ZSCAN4: variants seen among roughly 807,000 people sequenced by gnomAD.
ZSCAN4 encodes the protein zinc finger and SCAN domain-containing protein 4.
ZSCAN4 carries 18 observed loss-of-function variants against 18.3 expected under a neutral mutation model. That is an observed-to-expected ratio of 0.98 (90% CI 0.68 to 1.46). ZSCAN4 has a LOEUF of 1.46. Ranked by LOEUF, ZSCAN4 falls within the 40% of genes most tolerant of loss-of-function variation. ZSCAN4 has a pLI of 0.00. For synonymous variants in ZSCAN4, 193 were observed against 180.3 expected (o/e 1.07, Z -0.57); for missense variants, 498 against 511.4 (o/e 0.97, Z 0.25).
chr19:57,666,979 AG>A (rs1450544942), upstream of ZSCAN4, among the ~76,000 whole-genome samples: 1 of 152,116 alleles, frequency 6.6e-6, no homozygotes, highest in Non-Finnish European at 1.5e-5. Context: ...TTGGAAACAA[AG>A]GTTATTTTCC....
chr19:57,665,954 G>C (rs1399772501), upstream of ZSCAN4, among the ~76,000 whole-genome samples: 1 of 152,170 alleles, frequency 6.6e-6, no homozygotes, highest in East Asian at 1.9e-4. Context: ...CGAGGCCCAA[G>C]TAGGTTTACA....
the ZSCAN4 span, among the ~76,000 whole-genome samples, chr19:57,655,074 C>T: frequency 6.6e-6 from 1 of 152,318 alleles, no homozygotes; most frequent in Non-Finnish European, 1.5e-5. Flanking sequence ...AACCCAACCC[C>T]AGGTTACCTA....
At chr19:57,666,897 T>TTTATTATTATTA (rs138146671), upstream of ZSCAN4, among the ~76,000 whole-genome samples, 18 of 151,078 alleles carry the variant, frequency 1.2e-4, no homozygotes, top group African/African-American at 2.4e-4. Flanking sequence ...CTACCAGGTT[T>TTTATTATTATTA]TTATTATTAT....
At chr19:57,668,540 C>A (rs1983918492), upstream of ZSCAN4, among the ~76,000 whole-genome samples, 1 of 152,098 alleles carries the variant, frequency 6.6e-6, no homozygotes, top group South Asian at 2.1e-4. Context: ...GGCTGCATGC[C>A]TGATGGAGCA....
chr19:57,657,243 T>A, the ZSCAN4 span, among the ~76,000 whole-genome samples: 1 of 148,506 alleles, frequency 6.7e-6, no homozygotes, highest in Non-Finnish European at 1.5e-5. Context: ...GCAACAAGAG[T>A]GAAACTCCGT....
At chr19:57,672,689 A>T (rs956027767) in intron 2 of ZSCAN4, among the ~76,000 whole-genome samples, 12 of 148,530 alleles carry the variant, frequency 8.1e-5, no homozygotes, top group Admixed American at 6.8e-5. Flanking sequence ...TACAACCCCC[A>T]CCTCTCAGGT....
chr19:57,666,586 AAAAAG>A (rs1983856040), upstream of ZSCAN4, among the ~76,000 whole-genome samples: 1 of 151,502 alleles, frequency 6.6e-6, no homozygotes, highest in Non-Finnish European at 1.5e-5. Context: ...AAAAAAAAAA[AAAAAG>A]AAAAGAAAGT....
chr19:57,666,686 C>G (rs1293075901), upstream of ZSCAN4, among the ~76,000 whole-genome samples: 1 of 151,886 alleles, frequency 6.6e-6, no homozygotes, highest in African/African-American at 2.4e-5. Flanking sequence ...GAGTTTGAGA[C>G]TATCCTGGCC....
the ZSCAN4 span, among the ~76,000 whole-genome samples, chr19:57,660,065 G>T: frequency 6.6e-6 from 1 of 152,120 alleles, no homozygotes; most frequent in Non-Finnish European, 1.5e-5. Context: ...CTTTATCTCA[G>T]GTTCAGATGT....
At chr19:57,663,519 C>CAAAAAAAAAAAAA in the ZSCAN4 span, among the ~76,000 whole-genome samples, 8 of 18,278 alleles carry the variant, frequency 4.4e-4, no homozygotes, top group African/African-American at 1.7e-3. Flanking sequence ...AACCATGTCT[C>CAAAAAAAAAAAAA]TAAAAAAAAA....
the ZSCAN4 span, among the ~76,000 whole-genome samples, chr19:57,660,713 T>C: frequency 6.6e-6 from 1 of 152,242 alleles, no homozygotes; most frequent in African/African-American, 2.4e-5. Context: ...CACAGTACTC[T>C]TCTCTATCCT....
At chr19:57,661,312 C>T in the ZSCAN4 span, among the ~76,000 whole-genome samples, 1 of 152,294 alleles carries the variant, frequency 6.6e-6, no homozygotes, top group East Asian at 1.9e-4. Context: ...AGATAGATTT[C>T]CATTAATTTA....
At chr19:57,653,390 G>GAAAAAAA in the ZSCAN4 span, among the ~76,000 whole-genome samples, 1,555 of 76,368 alleles carry the variant, frequency 0.02, 57 homozygotes, top group African/African-American at 0.051. Flanking sequence ...CCATCTCAAA[G>GAAAAAAA]AAAAAAAAAA....
At chr19:57,651,567 G>A in the ZSCAN4 span, among the ~76,000 whole-genome samples, 25 of 152,182 alleles carry the variant, frequency 1.6e-4, no homozygotes, top group African/African-American at 4.8e-4. Flanking sequence ...TGGTGTCCCC[G>A]TCTACAGGCC....
upstream of ZSCAN4, among the ~76,000 whole-genome samples, chr19:57,667,770 C>T (rs1983894241): frequency 6.6e-6 from 1 of 152,200 alleles, no homozygotes; most frequent in African/African-American, 2.4e-5. Flanking sequence ...CCTTACAGAG[C>T]TCAAGGAACT....
chr19:57,668,782 C>A (rs968600713), upstream of ZSCAN4, among the ~76,000 whole-genome samples: 1 of 152,134 alleles, frequency 6.6e-6, no homozygotes. Context: ...AAAATATGCA[C>A]CAATTTCTCC....
chr19:57,667,943 C>A (rs953823211), upstream of ZSCAN4, among the ~76,000 whole-genome samples: 3 of 151,976 alleles, frequency 2.0e-5, no homozygotes, highest in Non-Finnish European at 4.4e-5. Context: ...ACTCTGTCGC[C>A]CAGGCTGGAG....
At chr19:57,670,860 T>C (rs1180655426) in intron 2 of ZSCAN4, among the ~76,000 whole-genome samples, 2 of 135,046 alleles carry the variant, frequency 1.5e-5, no homozygotes, top group Non-Finnish European at 3.3e-5. Context: ...CTTTATGTTC[T>C]AGTAATTCTT....
chr19:57,674,235 A>G (rs979069803), intron 2 of ZSCAN4, among the ~76,000 whole-genome samples: 2 of 152,202 alleles, frequency 1.3e-5, no homozygotes, highest in East Asian at 1.9e-4. Flanking sequence ...AGTATTCTGC[A>G]TATTGGTGGA....
Sources: allele counts gnomAD v4.1 joint callset (sites outside exome capture counted in the v4.1 genomes callset), GRCh38; gene constraint gnomAD v4.1.1; transcripts MANE v1.5; gene names NCBI Gene and HGNC (gene_info 2026-07-23, HGNC 2026-07-21).